Variants in FSTL5 observed in about 807,000 individuals in gnomAD.
FSTL5 encodes follistatin-related protein 5.
In FSTL5, 62 loss-of-function variants were observed where a neutral mutation model predicts 89.1. That is an observed-to-expected ratio of 0.70 (90% CI 0.57 to 0.86). The LOEUF (loss-of-function observed/expected upper bound fraction) is 0.86, where lower values mean the gene tolerates loss of function less well. Ranked by LOEUF, FSTL5 falls within the 40% of genes least tolerant of loss-of-function variation. FSTL5 has a pLI of 0.00. For synonymous variants in FSTL5, 383 were observed against 346.2 expected, an observed-to-expected ratio of 1.11 and a Z score of -1.18; for missense variants, 1,057 against 1,001.6, an observed-to-expected ratio of 1.06 and a Z score of -0.75.
At chr4:161,466,364 T>A (rs1475012782) in intron 13 of FSTL5, among the ~76,000 whole-genome samples, 4 of 152,156 alleles carry the variant, frequency 2.6e-5, no homozygotes, top group Non-Finnish European at 5.9e-5. Context: ...AAATTTGAAA[T>A]ACTGATAATA....
chr4:161,398,518 G>C (rs1267509591), intron 15 of FSTL5, among the ~76,000 whole-genome samples: 2 of 152,056 alleles, frequency 1.3e-5, no homozygotes, highest in South Asian at 2.1e-4. Context: ...CCTTATAAAA[G>C]GAGACTTTTC....
intron 4 of FSTL5, among the ~76,000 whole-genome samples, chr4:161,896,352 T>C (rs951596829): frequency 6.6e-6 from 1 of 152,170 alleles, no homozygotes; most frequent in East Asian, 1.9e-4. Context: ...TTTCCAGAAA[T>C]TATCATGCTA....
intron 8 of FSTL5, among the ~76,000 whole-genome samples, chr4:161,565,232 T>C (rs1396819593): frequency 6.6e-6 from 1 of 151,582 alleles, no homozygotes; most frequent in African/African-American, 2.4e-5. Flanking sequence ...CCTATCATCA[T>C]CATCATCATC....
At chr4:161,819,709 G>T (rs1316301543) in intron 4 of FSTL5, among the ~76,000 whole-genome samples, 18 of 151,900 alleles carry the variant, frequency 1.2e-4, no homozygotes, top group Admixed American at 1.1e-3. Context: ...AAAATCAGCT[G>T]ATTATTTAAA....
intron 8 of FSTL5, among the ~76,000 whole-genome samples, chr4:161,560,994 T>G (rs1257849663): frequency 6.6e-6 from 1 of 151,994 alleles, no homozygotes; most frequent in Non-Finnish European, 1.5e-5. Context: ...ACATTTGTAT[T>G]ACTGGTAGCA....
intron 11 of FSTL5, among the ~76,000 whole-genome samples, chr4:161,502,633 C>A (rs533758601): frequency 6.6e-6 from 1 of 151,774 alleles, no homozygotes; most frequent in Admixed American, 6.6e-5. Context: ...ATGGTCTCTG[C>A]GAGTCCTCCT....
chr4:161,587,902 G>A (rs563692630), intron 7 of FSTL5, among the ~76,000 whole-genome samples: 38 of 152,200 alleles, frequency 2.5e-4, no homozygotes, highest in African/African-American at 9.1e-4. Flanking sequence ...GGCCAGGCAC[G>A]GTGGCTCACA....
chr4:161,504,017 C>A (rs924032444), intron 11 of FSTL5, among the ~76,000 whole-genome samples: 1 of 151,886 alleles, frequency 6.6e-6, no homozygotes, highest in Non-Finnish European at 1.5e-5. Flanking sequence ...TATCACAATT[C>A]ATGCAGAAGC....
intron 6 of FSTL5, among the ~76,000 whole-genome samples, chr4:161,713,460 A>G (rs981946176): frequency 1.3e-5 from 2 of 152,180 alleles, no homozygotes; most frequent in African/African-American, 2.4e-5. Context: ...TTACTTTGAA[A>G]AGCTAATGTT....
At chr4:162,073,063 G>C (rs990923610) in intron 2 of FSTL5, among the ~76,000 whole-genome samples, 1 of 151,660 alleles carries the variant, frequency 6.6e-6, no homozygotes, top group Non-Finnish European at 1.5e-5. Context: ...TGTCCAGTTT[G>C]GTGATTCATC....
intron 4 of FSTL5, among the ~76,000 whole-genome samples, chr4:161,876,480 C>T (rs1277936445): frequency 2.6e-5 from 4 of 152,270 alleles, no homozygotes; most frequent in Non-Finnish European, 4.4e-5. Context: ...CTTAAAATAA[C>T]GCCTCACAAA....
At chr4:161,397,654 AAG>A (rs3077013) in intron 15 of FSTL5, among the ~76,000 whole-genome samples, 76,879 of 150,804 alleles carry the variant, frequency 0.51, 19,691 homozygotes, top group Middle Eastern at 0.6. Flanking sequence ...CATATTGAAG[AAG>A]AGACTTTTTA....
intron 6 of FSTL5, among the ~76,000 whole-genome samples, chr4:161,696,665 C>A (rs891604179): frequency 1.2e-4 from 19 of 152,076 alleles, no homozygotes; most frequent in African/African-American, 4.3e-4. Flanking sequence ...GGTCTTTCTC[C>A]TCCTTGGTTA....
At chr4:161,444,526 T>G (rs906640192) in intron 15 of FSTL5, among the ~76,000 whole-genome samples, 1 of 151,636 alleles carries the variant, frequency 6.6e-6, no homozygotes, top group African/African-American at 2.4e-5. Flanking sequence ...AAATTCAAAA[T>G]GCCAAGAGGA....
intron 6 of FSTL5, among the ~76,000 whole-genome samples, chr4:161,755,264 C>A (rs1470913422): frequency 1.3e-5 from 2 of 152,008 alleles, no homozygotes; most frequent in African/African-American, 4.8e-5. Context: ...ATTGACCATT[C>A]AATACCTATG....
chr4:161,911,987 T>C (rs1201810493), intron 4 of FSTL5, among the ~76,000 whole-genome samples: 1 of 152,182 alleles, frequency 6.6e-6, no homozygotes, highest in East Asian at 1.9e-4. Context: ...TCCTATGCTC[T>C]GTGAAATATC....
At position 161,888,460 on chromosome 4, in the gene FSTL5, G is replaced by A. The variant is rs929435311; in HGVS notation, c.409+31944C>T. Among the ~76,000 whole-genome samples the A allele has an allele frequency of 3.9e-5, 6 of 152,234 alleles. No individual in the cohort carries two copies. In the East Asian group the frequency reaches 1.2e-3, roughly 29 times the overall value. ...TAGCATTTTAGATGTGTTACATCAC[G>A]ACTGAGTTAGGAATTGTTTGTTACA... is the stretch of plus-strand genomic sequence containing the variant. On this transcript the variant is annotated intron_variant, in intron 4 of 15. Transcript: ENST00000306100.
intron 2 of FSTL5, among the ~76,000 whole-genome samples, chr4:162,067,079 A>C (rs1243984803): frequency 6.6e-6 from 1 of 152,078 alleles, no homozygotes; most frequent in Non-Finnish European, 1.5e-5. Flanking sequence ...TCTGTCACCC[A>C]GGCTGGAGTG....
chr4:161,393,793 T>C (rs1411537314), intron 15 of FSTL5, among the ~76,000 whole-genome samples: 4 of 152,122 alleles, frequency 2.6e-5, no homozygotes, highest in Admixed American at 6.5e-5. Context: ...AGCTGTGAAT[T>C]CTGATCTGAG....
Sources: allele counts gnomAD v4.1 joint callset (sites outside exome capture counted in the v4.1 genomes callset), GRCh38; gene constraint gnomAD v4.1.1; transcripts MANE v1.5; gene names NCBI Gene and HGNC (gene_info 2026-07-23, HGNC 2026-07-21).